The following ZNF385D variants were observed in gnomAD, a reference collection of about 807,000 sequenced individuals.
ZNF385D encodes zinc finger protein 385D.
ZNF385D carries 15 observed loss-of-function variants against 35.8 expected under a neutral mutation model. The ratio of observed to expected loss-of-function variants is 0.42; its 90% CI spans 0.28 to 0.64. ZNF385D has a LOEUF of 0.64. Among genes scored for constraint, ZNF385D ranks in the 30% least tolerant of loss-of-function variants. The probability of loss-of-function intolerance (pLI) is 0.23; values close to 1 mark genes in which losing one functional copy is unlikely to be tolerated. For missense variants in ZNF385D, 474 were observed against 494.6 expected, an observed-to-expected ratio of 0.96 and a Z score of 0.39; for synonymous variants, 212 against 186.8, an observed-to-expected ratio of 1.13 and a Z score of -1.10.
At chr3:22,082,164 C>T (rs1401985343) in intron 3 of ZNF385D, among the ~76,000 whole-genome samples, 1 of 152,100 alleles carries the variant, frequency 6.6e-6, no homozygotes, top group East Asian at 1.9e-4. Context: ...TTCTGCATTT[C>T]CAATTGAGGC....
chr3:21,785,598 C>G (rs898431974), intron 3 of ZNF385D, among the ~76,000 whole-genome samples: 1 of 152,212 alleles, frequency 6.6e-6, no homozygotes, highest in African/African-American at 2.4e-5. Context: ...ATCCTACTCA[C>G]TGATTCTATA....
intron 2 of ZNF385D, among the ~76,000 whole-genome samples, chr3:21,583,565 A>T (rs544499438): frequency 5.9e-5 from 9 of 152,300 alleles, no homozygotes; most frequent in Admixed American, 5.9e-4. Context: ...GCTGATTAAC[A>T]TCACAGCTCT....
intron 2 of ZNF385D, among the ~76,000 whole-genome samples, chr3:21,575,872 T>A (rs908230361): frequency 1.3e-5 from 2 of 152,158 alleles, no homozygotes; most frequent in African/African-American, 4.8e-5. Context: ...GCTAAATAAA[T>A]TGAGCAACAT....
At chr3:22,145,534 A>G (rs186476439) in intron 3 of ZNF385D, among the ~76,000 whole-genome samples, 2 of 152,094 alleles carry the variant, frequency 1.3e-5, no homozygotes, top group South Asian at 2.1e-4. Context: ...GAAGAATACT[A>G]TTTTTTCCCA....
intron 2 of ZNF385D, among the ~76,000 whole-genome samples, chr3:21,603,447 A>G (rs2064378573): frequency 6.6e-6 from 1 of 152,182 alleles, no homozygotes; most frequent in South Asian, 2.1e-4. Context: ...AGTTTTTGTA[A>G]GAGTCCAAAA....
intron 3 of ZNF385D, among the ~76,000 whole-genome samples, chr3:21,778,440 A>G (rs1056229987): frequency 6.6e-6 from 1 of 151,856 alleles, no homozygotes; most frequent in African/African-American, 2.4e-5. Context: ...GGCAAGTCCC[A>G]TTTCCTATTC....
chr3:21,779,160 C>T (rs1005819637), intron 3 of ZNF385D, among the ~76,000 whole-genome samples: 1 of 151,904 alleles, frequency 6.6e-6, no homozygotes, highest in African/African-American at 2.4e-5. Context: ...ATTACTTTCT[C>T]AGCTCCAAAG....
At chr3:22,030,837 A>G (rs1186541132) in intron 3 of ZNF385D, among the ~76,000 whole-genome samples, 5 of 152,202 alleles carry the variant, frequency 3.3e-5, no homozygotes, top group Non-Finnish European at 5.9e-5. Flanking sequence ...AGTCCCTTCT[A>G]CCTATGAACC....
intron 1 of ZNF385D, among the ~76,000 whole-genome samples, chr3:21,698,993 T>C (rs1193058251): frequency 6.6e-6 from 1 of 152,176 alleles, no homozygotes; most frequent in Non-Finnish European, 1.5e-5. Context: ...ACTGGGTTTA[T>C]ACCCAAAGGA....
At chr3:22,339,244 A>C (rs1204704772) in intron 2 of ZNF385D, among the ~76,000 whole-genome samples, 1 of 152,208 alleles carries the variant, frequency 6.6e-6, no homozygotes, top group African/African-American at 2.4e-5. Context: ...GCTTGCCACC[A>C]TGAAACAATG....
chr3:21,475,879 A>G (rs1181259181), intron 4 of ZNF385D, among the ~76,000 whole-genome samples: 1 of 152,118 alleles, frequency 6.6e-6, no homozygotes, highest in Admixed American at 6.6e-5. Context: ...GGTTTGATAT[A>G]AAATTATTTC....
chr3:22,027,498 GCA>G (rs1428208964), intron 3 of ZNF385D, among the ~76,000 whole-genome samples: 1 of 152,170 alleles, frequency 6.6e-6, no homozygotes, highest in East Asian at 1.9e-4. Context: ...GGATTTTGGA[GCA>G]AGGTCCTGCC....
At chr3:22,211,352 C>G (rs941552042) in intron 2 of ZNF385D, among the ~76,000 whole-genome samples, 1 of 151,854 alleles carries the variant, frequency 6.6e-6, no homozygotes, top group African/African-American at 2.4e-5. Flanking sequence ...CCTAGTCTCC[C>G]ATCTTTTCAA....
intron 2 of ZNF385D, among the ~76,000 whole-genome samples, chr3:22,324,528 A>C (rs1419176783): frequency 3.9e-5 from 6 of 152,298 alleles, no homozygotes; most frequent in African/African-American, 1.4e-4. Context: ...ATAAAAATTT[A>C]CTAATCTAAG....
At chr3:21,764,337 A>T (rs945244000) in intron 3 of ZNF385D, among the ~76,000 whole-genome samples, 3 of 152,184 alleles carry the variant, frequency 2.0e-5, no homozygotes, top group Non-Finnish European at 4.4e-5. Context: ...AATATTTGAA[A>T]AACCACAAAG....
At chr3:21,741,834 G>C (rs1381856075) in intron 1 of ZNF385D, among the ~76,000 whole-genome samples, 1 of 152,080 alleles carries the variant, frequency 6.6e-6, no homozygotes, top group East Asian at 1.9e-4. Context: ...GAATCTCAGG[G>C]TTCCTGCCCT....
At chr3:21,481,975 T>G (rs1704662119) in intron 4 of ZNF385D, among the ~76,000 whole-genome samples, 1 of 152,166 alleles carries the variant, frequency 6.6e-6, no homozygotes, top group African/African-American at 2.4e-5. Context: ...CATCACATGC[T>G]TTTCCCAGTG....
At chr3:21,920,863 T>C (rs553739339) in intron 3 of ZNF385D, among the ~76,000 whole-genome samples, 17 of 152,240 alleles carry the variant, frequency 1.1e-4, no homozygotes, top group African/African-American at 2.9e-4. Context: ...CTTCAATACA[T>C]GCAAACTTTA....
chr3:22,034,291 T>C (rs376258034), intron 3 of ZNF385D, among the ~76,000 whole-genome samples: 14 of 152,266 alleles, frequency 9.2e-5, no homozygotes, highest in Admixed American at 5.9e-4. Context: ...CTCCCAGTCA[T>C]ATGAAGACAA....
Sources: allele counts gnomAD v4.1 joint callset (sites outside exome capture counted in the v4.1 genomes callset), GRCh38; gene constraint gnomAD v4.1.1; transcripts MANE v1.5; gene names NCBI Gene and HGNC (gene_info 2026-07-23, HGNC 2026-07-21).